Variants in PBLD observed in about 807,000 individuals in gnomAD.
PBLD encodes the protein phenazine biosynthesis like protein domain containing.
A neutral mutation model predicts 31.3 loss-of-function variants in PBLD; 26 were observed. The observed-to-expected ratio is 0.83, with a 90% CI of 0.61 to 1.15. PBLD has a LOEUF of 1.15. Among genes scored for constraint, PBLD ranks in the 50% most tolerant of loss-of-function variants. PBLD has a pLI of 0.00. For missense variants in PBLD, 307 were observed against 351.7 expected (o/e 0.87, Z 1.02); for synonymous variants, 114 against 129.0 (o/e 0.88, Z 0.79).
chr10:68,317,160 A>G (rs1378001290), intron 1 of PBLD, among the ~76,000 whole-genome samples: 1 of 152,216 alleles, frequency 6.6e-6, no homozygotes, highest in East Asian at 1.9e-4. Flanking sequence ...TCAAAGCAAG[A>G]ATATAGACCA....
intron 1 of PBLD, among the ~76,000 whole-genome samples, chr10:68,330,709 CGTGTGTGTGT>C (rs56166847): frequency 0.064 from 9,084 of 142,856 alleles, 358 homozygotes; most frequent in South Asian, 0.1. Context: ...CCACGCCCGG[CGTGTGTGTGT>C]GTGTGTGTGT....
intron 2 of PBLD, among the ~76,000 whole-genome samples, chr10:68,297,871 C>T (rs963968285): frequency 6.6e-6 from 1 of 151,676 alleles, no homozygotes; most frequent in African/African-American, 2.4e-5. Context: ...CTTTGGGAGG[C>T]TGAGGCGGGA....
chr10:68,296,632 T>C (rs112714720), intron 3 of PBLD, among the ~76,000 whole-genome samples: 3,474 of 152,254 alleles, frequency 0.023, 61 homozygotes, highest in Non-Finnish European at 0.034. Flanking sequence ...TGCATGCAAA[T>C]AATAAGGGGG....
intron 1 of PBLD, among the ~76,000 whole-genome samples, chr10:68,315,614 T>C (rs76870645): frequency 0.049 from 7,371 of 150,760 alleles, 265 homozygotes; most frequent in East Asian, 0.19. Flanking sequence ...AGCTCTGACA[T>C]AGTCTTGAGA....
chr10:68,289,811 T>C (rs190611901), intron 6 of PBLD, among the ~76,000 whole-genome samples: 2 of 151,950 alleles, frequency 1.3e-5, no homozygotes, highest in African/African-American at 4.8e-5. Flanking sequence ...TTAAATAAAA[T>C]CGTATATGTG....
At chr10:68,321,107 C>A (rs2044829344) in intron 1 of PBLD, among the ~76,000 whole-genome samples, 1 of 152,186 alleles carries the variant, frequency 6.6e-6, no homozygotes, top group South Asian at 2.1e-4. Context: ...CAGGCATGAG[C>A]CACCACCCCT....
chr10:68,314,699 G>T (rs1179414764), intron 1 of PBLD, among the ~76,000 whole-genome samples: 1 of 152,040 alleles, frequency 6.6e-6, no homozygotes, highest in Non-Finnish European at 1.5e-5. Flanking sequence ...CCAGGTTCAA[G>T]CGATTCTCCT....
chr10:68,327,533 C>T (rs2044942425), intron 1 of PBLD, among the ~76,000 whole-genome samples: 1 of 151,832 alleles, frequency 6.6e-6, no homozygotes, highest in African/African-American at 2.4e-5. Context: ...CAAAAATTAG[C>T]TGGGCGTGGT....
intron 8 of PBLD, among the ~76,000 whole-genome samples, chr10:68,286,591 G>A (rs1023615563): frequency 6.7e-6 from 1 of 149,482 alleles, no homozygotes; most frequent in African/African-American, 2.5e-5. Flanking sequence ...CTCCCACCTC[G>A]GTCTCCCAAA....
intron 1 of PBLD, among the ~76,000 whole-genome samples, chr10:68,308,286 G>C (rs2044610234): frequency 6.6e-6 from 1 of 152,166 alleles, no homozygotes; most frequent in Admixed American, 6.5e-5. Flanking sequence ...GAATATTTAA[G>C]TTGTTTCTAA....
intron 1 of PBLD, among the ~76,000 whole-genome samples, chr10:68,328,933 A>G (rs900796293): frequency 3.9e-5 from 6 of 152,190 alleles, no homozygotes; most frequent in African/African-American, 1.4e-4. Flanking sequence ...GCTGGAGTGC[A>G]GTGGCACGAT....
intron 1 of PBLD, among the ~76,000 whole-genome samples, chr10:68,325,972 G>C (rs922541229): frequency 1.3e-5 from 2 of 152,048 alleles, no homozygotes; most frequent in Non-Finnish European, 2.9e-5. Flanking sequence ...GAATGTATCT[G>C]TATGCTCTTG....
At chr10:68,318,118 T>C (rs1011769405) in intron 1 of PBLD, among the ~76,000 whole-genome samples, 1 of 151,552 alleles carries the variant, frequency 6.6e-6, no homozygotes, top group Non-Finnish European at 1.5e-5. Context: ...TCCCAGCTAC[T>C]TGGGAGGCTG....
At position 68,284,279 on chromosome 10, in the gene PBLD, A is replaced by G. The variant is rs200396669; in HGVS notation, c.765T>C (p.Cys255=). The G allele has an allele frequency of 6.2e-6, 10 of 1,613,562 alleles. No homozygotes were observed. In the Admixed American group the frequency reaches 1.7e-4, roughly 27 times the overall value. ...LGKKEMHAFQ[C]SHRGGELGIS... is the part of the protein sequence containing the mutation. Reference sequence around the variant, plus strand: ...TTCCCAGCTCTCCTCCTCGGTGGGAACACTGAAAAGCTAAAGAAAACAAAC... The same window carrying G: ...TTCCCAGCTCTCCTCCTCGGTGGGAGCACTGAAAAGCTAAAGAAAACAAAC... Residue 255 remains cysteine (C), a synonymous_variant, in exon 10 of 10, where the codon TGT becomes TGC. Coordinates refer to ENST00000358769, the MANE Select transcript of PBLD (RefSeq NM_022129.4).
Position 68,301,096 on chromosome 10 carries a change from A to G in PBLD, c.85-4111T>C, listed in dbSNP as rs190320015. Among the ~76,000 whole-genome samples the G allele has an allele frequency of 6.7e-3, 1,018 of 152,254 alleles. 15 individuals are homozygous for G. The highest frequency in any genetic ancestry group is 0.023 in the African/African-American group (945 of 41,542). On this transcript the variant is annotated intron_variant, in intron 2 of 9. Coordinates refer to ENST00000358769, the MANE Select transcript of PBLD (RefSeq NM_022129.4). ...ATTTTATTAGAGATGAGGTTTCACC[A>G]TGTTGGCCAGACTGGTCTCAAACTC...
intron 7 of PBLD, 61 bp from the exon 8 acceptor site, chr10:68,288,722 C>T: frequency 1.3e-6 from 2 of 1,552,996 alleles, no homozygotes; most frequent in East Asian, 2.2e-5. Flanking sequence ...ACCACACAGA[C>T]TCTGTGAAGC....
At chr10:68,324,857 C>T (rs1416697241) in intron 1 of PBLD, among the ~76,000 whole-genome samples, 2 of 149,310 alleles carry the variant, frequency 1.3e-5, no homozygotes, top group African/African-American at 4.9e-5. Context: ...CTCAAATGAT[C>T]CACATGCCTT....
At chr10:68,300,885 CTTCTGTTTTTTTGTTTTG>C (rs2044496411) in intron 2 of PBLD, among the ~76,000 whole-genome samples, 1 of 152,024 alleles carries the variant, frequency 6.6e-6, no homozygotes, top group Non-Finnish European at 1.5e-5. Flanking sequence ...CTTGATCTCA[CTTCTGTTTTTTTGTTTTG>C]TTCTGTTTTT....
intron 1 of PBLD, among the ~76,000 whole-genome samples, chr10:68,320,659 T>G (rs1162268786): frequency 6.6e-6 from 1 of 152,084 alleles, no homozygotes; most frequent in Non-Finnish European, 1.5e-5. Context: ...TTGTTGTATT[T>G]CTCTCTTTCT....
Sources: allele counts gnomAD v4.1 joint callset (sites outside exome capture counted in the v4.1 genomes callset), GRCh38; gene constraint gnomAD v4.1.1; transcripts MANE v1.5; gene names NCBI Gene and HGNC (gene_info 2026-07-23, HGNC 2026-07-21).